DIPK1A: variants seen among roughly 807,000 people sequenced by gnomAD.
DIPK1A encodes the protein divergent protein kinase domain 1A.
Under a neutral mutation model 40.8 loss-of-function variants are expected in DIPK1A, and 27 were observed. The ratio of observed to expected loss-of-function variants is 0.66; its 90% confidence interval spans 0.49 to 0.91. The LOEUF is 0.91. DIPK1A is among the 40% of genes least tolerant of loss of function. DIPK1A has a pLI of 0.00. For synonymous variants in DIPK1A, 166 were observed against 171.3 expected, an observed-to-expected ratio of 0.97 and a Z score of 0.24; for missense variants, 412 against 505.7, an observed-to-expected ratio of 0.81 and a Z score of 1.78.
chr1:92,894,072 C>T (rs200686441), intron 1 of DIPK1A, among the ~76,000 whole-genome samples: 3,746 of 81,058 alleles, frequency 0.046, no homozygotes, highest in Non-Finnish European at 0.061. Flanking sequence ...TAACACCCCA[C>T]TGTCAACATT....
rs550445342 is a variant in DIPK1A, at chr1:92,877,206, T to C, written c.55-776A>G. The C allele has an allele frequency of 5.4e-5, 42 of 781,356 alleles. No homozygotes were observed. The African/African-American group carries it at 7.7e-4, about 14-fold the overall frequency. The allele number at this position is 781,356 out of a possible 1,614,324, so 48.4% of individuals were successfully genotyped here. On this transcript the variant is annotated intron_variant, in intron 1 of 4. Coordinates refer to ENST00000370310, the MANE Select transcript of DIPK1A (RefSeq NM_001006605.5). ...GCAACTCGGGCTGGTTGATGCCTTT[T>C]TTCCATCAATTACATATCAAACAGT...
intron 1 of DIPK1A, chr1:92,933,128 C>T (rs1383329580): frequency 6.6e-6 from 1 of 151,876 alleles, no homozygotes. Flanking sequence ...AAGAGCTAAA[C>T]ATACATCTCA....
At chr1:92,933,970 T>C (rs1650854313) in intron 1 of DIPK1A, 1 of 152,218 alleles carries the variant, frequency 6.6e-6, no homozygotes, top group Non-Finnish European at 1.5e-5. Flanking sequence ...TGCAGCAATC[T>C]AGGCCCTTCT....
chr1:92,833,063 G>C (rs1294212494), intron 4 of DIPK1A: 4 of 727,906 alleles, frequency 5.5e-6, no homozygotes, highest in Non-Finnish European at 1.0e-5. Context: ...GAAATTGAAA[G>C]CGTTTAAAAC....
chr1:92,855,700 G>GA (rs1033875352), intron 2 of DIPK1A, among the ~76,000 whole-genome samples: 229 of 129,630 alleles, frequency 1.8e-3, no homozygotes, highest in African/African-American at 6.0e-3. Context: ...CTGTCTCTAA[G>GA]AAAAAAAAAA....
intron 2 of DIPK1A, among the ~76,000 whole-genome samples, chr1:92,860,646 A>AAAAAAAAAAAAGGCCAGGTG (rs148916481): frequency 9.5e-6 from 1 of 105,212 alleles, no homozygotes; most frequent in Non-Finnish European, 1.8e-5. Context: ...AAAAAAAAAA[A>AAAAAAAAAAAAGGCCAGGTG]TGGTGGTGTG....
rs192669606 is a variant in DIPK1A at position 92,922,835 on chromosome 1, C to T, written c.54+38541G>A. Among the ~76,000 whole-genome samples the T allele has an allele frequency of 7.1e-4, 108 of 152,302 alleles. 1 individual carries two copies. Among genetic ancestry groups the T allele is most frequent in the Admixed American group, 7.1e-3 (108 of 15,302 alleles). ...CAACACTCTCTAGTCACAACCTTTT[C>T]CCCTGAAAACTTTGGCTCACAAGTT... On this transcript the variant is annotated intron_variant, in intron 1 of 4. Transcript: ENST00000370310.
At chr1:92,939,071 T>C (rs1469591015) in intron 1 of DIPK1A, among the ~76,000 whole-genome samples, 1 of 152,114 alleles carries the variant, frequency 6.6e-6, no homozygotes, top group Non-Finnish European at 1.5e-5. Context: ...TGGCTAATTT[T>C]TCGTATTTTT....
At position 92,842,434 on chromosome 1, in the gene DIPK1A, A is replaced by C. The variant is rs1289625475; in HGVS notation, c.*949T>G. The C allele has an allele frequency of 1.8e-5, 18 of 979,488 alleles. No homozygotes were observed. The highest frequency in any genetic ancestry group is 2.2e-5 in the Non-Finnish European group (18 of 824,626). 60.7% of individuals were successfully genotyped at this position (979,488 alleles called of 1,614,324 possible). A position where few individuals can be genotyped will look rare whatever the true frequency, so the allele number is the denominator to read the frequency against. ...TGAGTATACGTGTGAAAATAATATG[A>C]AAGAGGAGCAAATACTAAACCTTGT... is the stretch of plus-strand genomic sequence containing the variant. On this transcript the variant is annotated 3_prime_UTR_variant, in exon 5 of 5. Coordinates refer to ENST00000370310, the MANE Select transcript of DIPK1A (RefSeq NM_001006605.5).
intron 2 of DIPK1A, among the ~76,000 whole-genome samples, chr1:92,852,525 A>G (rs1687856680): frequency 6.6e-6 from 1 of 152,102 alleles, no homozygotes; most frequent in Non-Finnish European, 1.5e-5. Context: ...AAATTTCTAG[A>G]AGAATGTTGC....
At chr1:92,867,547 C>T (rs1442751816) in intron 2 of DIPK1A, among the ~76,000 whole-genome samples, 1 of 152,084 alleles carries the variant, frequency 6.6e-6, no homozygotes, top group Non-Finnish European at 1.5e-5. Context: ...GCTCTGTCAC[C>T]CAGGCTGGAG....
At chr1:92,842,070 T>C (rs1687388100), downstream of DIPK1A, 1 of 801,014 alleles carries the variant, frequency 1.2e-6, no homozygotes, top group Non-Finnish European at 1.8e-6. Flanking sequence ...TTCTTGGGCT[T>C]CTGTTTTACC....
At chr1:92,912,255 T>G (rs886836339) in intron 1 of DIPK1A, among the ~76,000 whole-genome samples, 1 of 152,026 alleles carries the variant, frequency 6.6e-6, no homozygotes, top group African/African-American at 2.4e-5. Context: ...AGTGGACTTG[T>G]TACGAGAATG....
chr1:92,953,459 G>A (rs1408684388), intron 1 of DIPK1A, among the ~76,000 whole-genome samples: 3 of 152,160 alleles, frequency 2.0e-5, no homozygotes, highest in Non-Finnish European at 4.4e-5. Context: ...GCACTCCCAT[G>A]TTCATTGTAG....
chr1:92,878,758 C>T (rs1460541348), intron 1 of DIPK1A, among the ~76,000 whole-genome samples: 3 of 151,706 alleles, frequency 2.0e-5, no homozygotes, highest in Non-Finnish European at 4.4e-5. Flanking sequence ...GGGGCGGAGC[C>T]TGCAGTGAGC....
chr1:92,959,892 C>A (rs1651994371), intron 1 of DIPK1A, among the ~76,000 whole-genome samples: 1 of 123,320 alleles, frequency 8.1e-6, no homozygotes, highest in Non-Finnish European at 1.8e-5. Context: ...GGACCACAGG[C>A]ACCCAACCAA....
intron 1 of DIPK1A, 152 bp from the exon 2 acceptor site, chr1:92,876,582 G>T: frequency 2.7e-6 from 2 of 732,610 alleles, no homozygotes; most frequent in Non-Finnish European, 2.2e-6. Context: ...CTTTCACTGA[G>T]TCCAAACAGC....
At chr1:92,871,384 C>T (rs1008226892) in intron 2 of DIPK1A, among the ~76,000 whole-genome samples, 8 of 152,194 alleles carry the variant, frequency 5.3e-5, no homozygotes, top group African/African-American at 1.7e-4. Flanking sequence ...GGACTGGTCT[C>T]GAACTACCGA....
intron 4 of DIPK1A, chr1:92,833,692 T>A (rs1346800907): frequency 2.6e-6 from 4 of 1,548,642 alleles, no homozygotes; most frequent in Admixed American, 1.7e-5. Context: ...CCCCTTTTTT[T>A]ATTGCTAGAG....
Sources: gnomAD v4.1 joint callset for allele counts (sites outside exome capture counted in the v4.1 genomes callset) on GRCh38, gnomAD v4.1.1 for gene constraint, MANE v1.5 for transcripts, NCBI Gene and HGNC (gene_info 2026-07-23, HGNC 2026-07-21) for gene names.